The following ATP2C1 variants were observed in gnomAD, a reference collection of about 807,000 sequenced individuals.
The protein encoded by ATP2C1 is ATPase secretory pathway Ca2+ transporting 1.
Under a neutral mutation model 120.5 loss-of-function variants are expected in ATP2C1, and 31 were observed. The observed-to-expected ratio is 0.26, with a 90% CI of 0.19 to 0.35. The LOEUF (loss-of-function observed/expected upper bound fraction) is 0.35, where lower values mean the gene tolerates loss of function less well. ATP2C1 is among the 10% of genes least tolerant of loss of function. ATP2C1 has a pLI of 1.00. For synonymous variants in ATP2C1, 351 were observed against 358.7 expected (o/e 0.98, Z 0.24); for missense variants, 731 against 1,107.5 (o/e 0.66, Z 4.83).
chr3:130,878,717 C>T (rs2068686131), intron 1 of ATP2C1, among the ~76,000 whole-genome samples: 1 of 152,172 alleles, frequency 6.6e-6, no homozygotes, highest in African/African-American at 2.4e-5. Context: ...CCATTCTCTC[C>T]TGGCCTATAA....
chr3:130,947,954 C>T (rs1459502793), intron 8 of ATP2C1, among the ~76,000 whole-genome samples: 2 of 152,166 alleles, frequency 1.3e-5, no homozygotes, highest in East Asian at 1.9e-4. Context: ...CATACAAAAT[C>T]GTACAGCCCA....
intron 2 of ATP2C1, among the ~76,000 whole-genome samples, chr3:130,919,670 CG>C (rs1351366710): frequency 6.6e-6 from 1 of 152,094 alleles, no homozygotes; most frequent in Non-Finnish European, 1.5e-5. Flanking sequence ...TGGTAATATC[CG>C]TTTGAGATCC....
intron 2 of ATP2C1, among the ~76,000 whole-genome samples, chr3:130,922,047 T>A (rs1231931737): frequency 6.6e-6 from 1 of 152,218 alleles, no homozygotes; most frequent in Non-Finnish European, 1.5e-5. Flanking sequence ...CCAAATTTCT[T>A]TGAATGTCTG....
At chr3:130,876,540 G>A (rs983339585) in intron 1 of ATP2C1, among the ~76,000 whole-genome samples, 1 of 152,108 alleles carries the variant, frequency 6.6e-6, no homozygotes, top group African/African-American at 2.4e-5. Flanking sequence ...GTATTTTGAA[G>A]CCAGATACAG....
intron 26 of ATP2C1, chr3:131,015,217 C>T (rs7641006): frequency 0.18 from 128,151 of 699,898 alleles, 12,687 homozygotes; most frequent in Non-Finnish European, 0.21. Context: ...ATTTTGTATG[C>T]GTCCATATAT....
At chr3:130,947,376 C>T (rs923541892) in intron 8 of ATP2C1, among the ~76,000 whole-genome samples, 2 of 152,178 alleles carry the variant, frequency 1.3e-5, no homozygotes, top group African/African-American at 4.8e-5. Flanking sequence ...TCACTACAGT[C>T]TAATTATAGA....
intron 2 of ATP2C1, chr3:130,918,787 C>T (rs1442970933): frequency 1.1e-5 from 4 of 362,594 alleles, no homozygotes; most frequent in Non-Finnish European, 2.1e-5. Context: ...GTCAGGAGAT[C>T]GAGACCATCC....
intron 8 of ATP2C1, 113 bp downstream of exon 8, chr3:130,941,812 T>C (rs2059932524): frequency 1.8e-5 from 17 of 934,628 alleles, no homozygotes; most frequent in Non-Finnish European, 2.9e-5. Flanking sequence ...TTTGGTATTC[T>C]ACTTTAAAAT....
Position 130,914,806 on chromosome 3 carries a change from C to T in ATP2C1, c.7-15610C>T, listed in dbSNP as rs377067748. On this transcript the variant is annotated intron_variant, in intron 2 of 27. Coordinates refer to ENST00000510168, the MANE Select transcript of ATP2C1 (RefSeq NM_001378687.1). ...TGCCCATCCCTTTCACGTTCTACCT[C>T]CCTACCCCATAACATACCTTGAACA... 2.6e-5 allele frequency among the ~76,000 whole-genome samples: 4 copies of T among 152,326 alleles called. No homozygotes were observed. The East Asian group carries it at 7.7e-4, about 29-fold the overall frequency.
chr3:130,859,506 T>A (rs2067949446), intron 1 of ATP2C1, among the ~76,000 whole-genome samples: 1 of 152,164 alleles, frequency 6.6e-6, no homozygotes, highest in Non-Finnish European at 1.5e-5. Flanking sequence ...GCCAAGAAAT[T>A]TCAGGTTATT....
In ATP2C1 at chr3:130,878,776, T is replaced by C. The variant is rs376573648; in HGVS notation, c.108+27848T>C. Among the ~76,000 whole-genome samples, 188 of 152,316 alleles carry C rather than the reference T, an allele frequency of 1.2e-3. 3 individuals are homozygous for C. In the South Asian group the frequency reaches 0.026, roughly 21 times the overall value. On this transcript the variant is annotated intron_variant, in intron 1 of 26. Transcript: ENST00000504381. ...TTATTCTGATGGGGATTCCTTTAGA[T>C]ATGACTTGATGCTTATCTCTTGCTG... is the stretch of plus-strand genomic sequence containing the variant.
rs1380180354 is a variant in ATP2C1, at chr3:130,894,433, C to G, written c.-181+96C>G. The G allele has an allele frequency of 9.3e-6, 12 of 1,288,038 alleles. No homozygotes were observed. The highest frequency in any genetic ancestry group is 1.2e-5 in the Non-Finnish European group (12 of 1,009,856). The allele number at this position is 1,288,038 out of a possible 1,614,324, so 79.8% of individuals were successfully genotyped here. On this transcript the variant is annotated intron_variant, in intron 1 of 27. Coordinates refer to ENST00000510168, the MANE Select transcript of ATP2C1 (RefSeq NM_001378687.1). The surrounding 1 kb of genome is among the most constrained non-coding windows in gnomAD (Gnocchi z 4.5). Reference sequence around the variant, plus strand: ...GTATCCCCTGGATGGGGGGGCATCTCTAGGGCGCCGCCCCGCTGGCGTGAG... The same window carrying G: ...GTATCCCCTGGATGGGGGGGCATCTGTAGGGCGCCGCCCCGCTGGCGTGAG...
chr3:130,993,115 C>A, intron 21 of ATP2C1, 114 bp downstream of exon 21: 2 of 840,654 alleles, frequency 2.4e-6, no homozygotes, highest in Non-Finnish European at 1.9e-6. Flanking sequence ...TACTGTGAAG[C>A]AAAACAGTTT....
Position 131,001,818 on chromosome 3 carries a change from T to C in ATP2C1, c.*468T>C. The C allele has an allele frequency of 1.0e-6, 1 of 986,222 alleles. No homozygotes were observed. Among genetic ancestry groups the C allele is most frequent in the Non-Finnish European group, 1.2e-6 (1 of 830,258 alleles). The allele number at this position is 986,222 out of a possible 1,614,324, so 61.1% of individuals were successfully genotyped here. On this transcript the variant is annotated 3_prime_UTR_variant, in exon 28 of 28. Transcript: ENST00000510168. The stretch of plus-strand genomic sequence containing the variant: ...AAGTTGATTCCCAGGAGTGCCATAT[T>C]TCAGCTACTGTATTTCCTTTTTCTT...
chr3:131,001,513 C>A lies in ATP2C1; in HGVS notation c.*163C>A. ...TTAAGACTTTAACCTGCTGGCAGTC[C>A]CAAATGAAATTATGCAACTTTGATA... On this transcript the variant is annotated 3_prime_UTR_variant, in exon 28 of 28. Transcript: ENST00000510168. 7.7e-7 allele frequency: 1 copy of A among 1,306,212 alleles called. No individual in the cohort carries two copies. Among genetic ancestry groups the A allele is most frequent in the Non-Finnish European group, 9.8e-7 (1 of 1,025,110 alleles). 80.9% of individuals were successfully genotyped at this position (1,306,212 alleles called of 1,614,324 possible).
chr3:130,851,079 G>C (rs2067660055), intron 1 of ATP2C1, among the ~76,000 whole-genome samples: 1 of 152,204 alleles, frequency 6.6e-6, no homozygotes, highest in Non-Finnish European at 1.5e-5. Context: ...CAATCAGAAA[G>C]CAAGCAGGCT....
chr3:130,876,427 G>T (rs573308240), intron 1 of ATP2C1, among the ~76,000 whole-genome samples: 1 of 152,156 alleles, frequency 6.6e-6, no homozygotes, highest in South Asian at 2.1e-4. Context: ...CTGAAAATTA[G>T]TTGGCTGTAA....
chr3:130,911,297 C>T (rs1322994849), intron 2 of ATP2C1, among the ~76,000 whole-genome samples: 8 of 148,426 alleles, frequency 5.4e-5, no homozygotes, highest in East Asian at 2.0e-4. Flanking sequence ...TAGTGATATC[C>T]CCTTTATCAT....
At position 131,003,064 on chromosome 3, in the gene ATP2C1, G is replaced by T; in HGVS notation, c.*1714G>T. ...CGTTAATGTTTTGCTTTGCATTTTA[G>T]GTTCAGATTATGACTTGATTGAAAT... is the stretch of plus-strand genomic sequence containing the variant. On this transcript the variant is annotated 3_prime_UTR_variant, in exon 28 of 28. Transcript: ENST00000510168. 1.0e-6 allele frequency: 1 copy of T among 985,602 alleles called. No homozygotes were observed. The highest frequency in any genetic ancestry group is 1.2e-6 in the Non-Finnish European group (1 of 829,744). 61.1% of individuals were successfully genotyped at this position (985,602 alleles called of 1,614,324 possible).
Sources: gnomAD v4.1 joint callset for allele counts (sites outside exome capture counted in the v4.1 genomes callset) on GRCh38, gnomAD v4.1.1 for gene constraint, Gnocchi (gnomAD v3.1) non-coding constraint, MANE v1.5 for transcripts, NCBI Gene and HGNC (gene_info 2026-07-23, HGNC 2026-07-21) for gene names.